MTSS1: variants seen among roughly 807,000 people sequenced by gnomAD.
MTSS1 encodes the protein MTSS I-BAR domain containing 1, also known as protein MTSS 1.
In MTSS1, 18 loss-of-function variants were observed where a neutral mutation model predicts 79.0. The ratio of observed to expected loss-of-function variants is 0.23; its 90% confidence interval spans 0.16 to 0.34. The LOEUF is 0.34. MTSS1 is among the 10% of genes least tolerant of loss of function. MTSS1 has a pLI of 1.00. For synonymous variants in MTSS1, 341 were observed against 368.6 expected (o/e 0.93, Z 0.86); for missense variants, 815 against 986.2 (o/e 0.83, Z 2.33).
At chr8:124,584,111 T>C (rs1028629910) in intron 6 of MTSS1, among the ~76,000 whole-genome samples, 2 of 152,230 alleles carry the variant, frequency 1.3e-5, no homozygotes, top group Non-Finnish European at 2.9e-5. Flanking sequence ...GGTTAAAAAC[T>C]GTGTCCTATC....
At chr8:124,572,604 C>T (rs1828014255) in intron 6 of MTSS1, among the ~76,000 whole-genome samples, 1 of 152,208 alleles carries the variant, frequency 6.6e-6, no homozygotes, top group Non-Finnish European at 1.5e-5. Flanking sequence ...CCTCGTCTCA[C>T]CTCTGCTACC....
intron 3 of MTSS1, among the ~76,000 whole-genome samples, chr8:124,622,982 A>G (rs1813902692): frequency 6.6e-6 from 1 of 152,170 alleles, no homozygotes; most frequent in South Asian, 2.1e-4. Flanking sequence ...CAGAGCACAG[A>G]CGAGCCCATC....
At chr8:124,612,303 G>A (rs577440434) in intron 3 of MTSS1, among the ~76,000 whole-genome samples, 3 of 152,282 alleles carry the variant, frequency 2.0e-5, no homozygotes, top group East Asian at 3.9e-4. Flanking sequence ...AGCCAGGGTC[G>A]TCCCCAGCTG....
At chr8:124,560,016 G>A (rs1453290732) in intron 10 of MTSS1, among the ~76,000 whole-genome samples, 4 of 152,124 alleles carry the variant, frequency 2.6e-5, no homozygotes, top group Admixed American at 6.5e-5. Flanking sequence ...TAAGGGCAAG[G>A]AGACAATCAG....
At chr8:124,686,229 C>A (rs576383794) in intron 3 of MTSS1, among the ~76,000 whole-genome samples, 2 of 152,334 alleles carry the variant, frequency 1.3e-5, no homozygotes, top group African/African-American at 4.8e-5. Flanking sequence ...CCAGCTCCGC[C>A]TCCCTGAGCC....
In MTSS1 at chr8:124,556,660, C is replaced by T. The variant is rs145086398; in HGVS notation, c.1231-255G>A. 812 of 509,758 alleles carry T rather than the reference C, an allele frequency of 1.6e-3. 8 individuals carry two copies. Among genetic ancestry groups the T allele is most frequent in the African/African-American group, 0.013 (689 of 52,526 alleles). The allele number at this position is 509,758 out of a possible 1,614,324, so 31.6% of individuals were successfully genotyped here. ...TTAAAAACCCTCACCCACCAGGTGGCAGCAGGAGACCCGGCAGCCACCTAA... is the reference window on the plus strand; with the variant it reads ...TTAAAAACCCTCACCCACCAGGTGGTAGCAGGAGACCCGGCAGCCACCTAA... On this transcript the variant is annotated intron_variant, in intron 11 of 13. Transcript: ENST00000518547.
chr8:124,726,012 T>C (rs1350437464), intron 1 of MTSS1, among the ~76,000 whole-genome samples: 2 of 152,156 alleles, frequency 1.3e-5, no homozygotes, highest in Non-Finnish European at 2.9e-5. Flanking sequence ...AAATAAATGA[T>C]TTCCCATAGG....
chr8:124,561,773 G>A (rs555519390), intron 10 of MTSS1, among the ~76,000 whole-genome samples: 1 of 152,116 alleles, frequency 6.6e-6, no homozygotes, highest in Non-Finnish European at 1.5e-5. Flanking sequence ...GTTTAGTGAA[G>A]CACACAGCGG....
chr8:124,615,613 T>C (rs1202789588), intron 3 of MTSS1, among the ~76,000 whole-genome samples: 1 of 152,148 alleles, frequency 6.6e-6, no homozygotes, highest in Non-Finnish European at 1.5e-5. Context: ...GCTTCAGTTT[T>C]GCAAGAGGAA....
intron 10 of MTSS1, among the ~76,000 whole-genome samples, chr8:124,561,641 GTTAA>G (rs1230987174): frequency 2.0e-5 from 3 of 152,132 alleles, no homozygotes; most frequent in Non-Finnish European, 4.4e-5. Flanking sequence ...ACACTACTAT[GTTAA>G]TTTGTCAATT....
At chr8:124,554,517 T>C (rs1449523781) in intron 13 of MTSS1, among the ~76,000 whole-genome samples, 2 of 152,230 alleles carry the variant, frequency 1.3e-5, no homozygotes, top group Non-Finnish European at 2.9e-5. Context: ...GAATGATGAA[T>C]GGCATAGCTT....
intron 1 of MTSS1, among the ~76,000 whole-genome samples, chr8:124,712,020 A>G (rs1831241029): frequency 1.3e-5 from 2 of 152,024 alleles, no homozygotes; most frequent in Non-Finnish European, 2.9e-5. Flanking sequence ...AAAAAAAAAA[A>G]AAGGAAGAAA....
At chr8:124,572,118 GA>G (rs1191488916) in intron 6 of MTSS1, among the ~76,000 whole-genome samples, 1 of 151,834 alleles carries the variant, frequency 6.6e-6, no homozygotes, top group African/African-American at 2.4e-5. Flanking sequence ...ACATAGGAAA[GA>G]AAAAAAGGCC....
At position 124,717,500 on chromosome 8, in the gene MTSS1, C is replaced by T. The variant is rs1054625992; in HGVS notation, c.72+10384G>A. ...GGGACAGATACTCGGGAGGCTGAGG[C>T]AGGAGAATCACTTGAACCTGGGAGG... On this transcript the variant is annotated intron_variant, in intron 1 of 13. Transcript: ENST00000518547. Among the ~76,000 whole-genome samples, 6 of 150,646 alleles carry T rather than the reference C, an allele frequency of 4.0e-5. No homozygotes were observed. In the East Asian group the frequency reaches 1.2e-3, roughly 29 times the overall value.
chr8:124,649,067 C>A (rs1819502003), intron 3 of MTSS1, among the ~76,000 whole-genome samples: 1 of 152,260 alleles, frequency 6.6e-6, no homozygotes. Flanking sequence ...TTAACAATAA[C>A]CATTTCCATT....
At chr8:124,715,392 CT>C (rs1018693606) in intron 1 of MTSS1, among the ~76,000 whole-genome samples, 2 of 151,790 alleles carry the variant, frequency 1.3e-5, no homozygotes, top group East Asian at 1.9e-4. Flanking sequence ...CTTTTCCTTA[CT>C]TTTTTTAATC....
At chr8:124,711,077 A>C (rs1001330878) in intron 1 of MTSS1, among the ~76,000 whole-genome samples, 26 of 152,146 alleles carry the variant, frequency 1.7e-4, no homozygotes, top group African/African-American at 6.0e-4. Context: ...ATCTCTGTTC[A>C]CCTTGACAAG....
chr8:124,723,893 C>T (rs1396453727), intron 1 of MTSS1, among the ~76,000 whole-genome samples: 1 of 152,152 alleles, frequency 6.6e-6, no homozygotes, highest in African/African-American at 2.4e-5. Context: ...CAGTGCTGTC[C>T]TGGAGAAAAC....
chr8:124,587,907 A>G (rs1438067360), intron 5 of MTSS1, among the ~76,000 whole-genome samples: 3 of 152,346 alleles, frequency 2.0e-5, no homozygotes, highest in Middle Eastern at 3.4e-3. Context: ...TCTTTTATCA[A>G]AATGGTTTGT....
Sources: gnomAD v4.1 joint callset for allele counts (sites outside exome capture counted in the v4.1 genomes callset) on GRCh38, gnomAD v4.1.1 for gene constraint, MANE v1.5 for transcripts, NCBI Gene and HGNC (gene_info 2026-07-23, HGNC 2026-07-21) for gene names.